The following ACTN3 variants were observed in gnomAD, a reference collection of about 807,000 sequenced individuals.
ACTN3 encodes alpha-actinin-3.
Under a neutral mutation model 119.6 loss-of-function variants are expected in ACTN3, and 91 were observed. The observed-to-expected ratio is 0.76, with a 90% confidence interval of 0.64 to 0.91. The LOEUF (loss-of-function observed/expected upper bound fraction) is 0.91. Among genes scored for constraint, ACTN3 ranks in the 40% least tolerant of loss-of-function variants. The pLI is 0.00. For missense variants in ACTN3, 1,221 were observed against 1,215.1 expected (o/e 1.00, Z -0.07); for synonymous variants, 456 against 478.8 (o/e 0.95, Z 0.62).
chr11:66,546,754 G>T, upstream of ACTN3: 1 of 1,535,214 alleles, frequency 6.5e-7, no homozygotes. Context: ...CCCGAGTCCC[G>T]CAGTTCCCGG....
At chr11:66,550,970 C>T in intron 1 of ACTN3, 1 of 595,582 alleles carries the variant, frequency 1.7e-6, no homozygotes, top group Non-Finnish European at 3.1e-6. Context: ...TTAAGACCCC[C>T]AAGGCTGGGG....
intron 19 of ACTN3, 169 bp downstream of exon 19, chr11:66,562,491 G>T (rs975294214): frequency 1.5e-5 from 5 of 333,580 alleles, no homozygotes; most frequent in African/African-American, 1.1e-4. Flanking sequence ...ACCCAGTTCT[G>T]TGTGGACCCA....
Position 66,563,056 on chromosome 11 carries a change from C to G in ACTN3, c.2569C>G (p.Leu857Val). 1.2e-6 allele frequency: 2 copies of G among 1,612,242 alleles called. No homozygotes were observed. The highest frequency in any genetic ancestry group is 1.1e-5 in the South Asian group (1 of 90,968). The change falls in exon 21 of 21, where the codon CTG (leucine) becomes GTG (valine). Residue 857 changes from leucine to valine, a missense_variant. Physicochemically the swap from Leu to Val is conservative, Grantham distance 32 (BLOSUM62 1). Around this residue, in one of 3 missense-constraint regions of ACTN3, gnomAD observed 934 missense variants for 899.9 expected, o/e 1.04. Transcript: ENST00000513398. ...CCAGAACTACATCACCCCCGAGGAGCTGCGGCGCGAGCTCCCTGCCAAGCA... is the reference window on the plus strand; with the variant it reads ...CCAGAACTACATCACCCCCGAGGAGGTGCGGCGCGAGCTCCCTGCCAAGCA... ...GDKNYITPEE[L>V]RRELPAKQAE...
Position 66,561,496 on chromosome 11 carries a change from G to A in ACTN3, c.2034G>A (p.Leu678=), listed in dbSNP as rs1256059931. Residue 678 remains leucine (L), a synonymous_variant, in exon 17 of 21, where the codon CTG becomes CTA. Transcript: ENST00000513398. The part of the protein sequence containing the change: ...GRLAAGLAGS[L]EEQMAGLRQQ... ...TGGCAGCAGGGCTAGCTGGCTCTCTGGAGGAGCAGATGGCTGGGCTACGGC... is the reference window on the plus strand; with the variant it reads ...TGGCAGCAGGGCTAGCTGGCTCTCTAGAGGAGCAGATGGCTGGGCTACGGC... The A allele has an allele frequency of 2.5e-6, 4 of 1,604,226 alleles. No individual in the cohort carries two copies. The Admixed American group carries it at 5.2e-5, about 21-fold the overall frequency.
intron 11 of ACTN3, among the ~76,000 whole-genome samples, chr11:66,558,569 T>G (rs2134934409): frequency 6.6e-6 from 1 of 152,250 alleles, no homozygotes; most frequent in East Asian, 1.9e-4. Context: ...GTTCTCACTT[T>G]GTTGCCCAGG....
chr11:66,560,111 A>AGGGGGGGGGGG, intron 13 of ACTN3, 35 bp downstream of exon 13: 1 of 694,084 alleles, frequency 1.4e-6, no homozygotes, highest in African/African-American at 2.8e-5. Context: ...GGGGGTGGGT[A>AGGGGGGGGGGG]GGTGGGTGAG....
chr11:66,561,669 G>A, intron 17 of ACTN3, 32 bp downstream of exon 17: 1 of 1,592,206 alleles, frequency 6.3e-7, no homozygotes, highest in Non-Finnish European at 8.6e-7. Context: ...AGAGTGGGGA[G>A]GCAGCACTGG....
chr11:66,557,359 TC>T, intron 9 of ACTN3, 134 bp downstream of exon 9: 1 of 811,676 alleles, frequency 1.2e-6, no homozygotes, highest in Non-Finnish European at 2.0e-6. Flanking sequence ...CCTCCTCCTG[TC>T]CATCCCCACC....
rs1857464836 is a variant in ACTN3 at position 66,551,316 on chromosome 11, T to C, written c.225T>C (p.Asn75=). ...QIENIEEDFR[N]GLKLMLLLEV... is the part of the protein sequence containing the mutation. Reference sequence around the variant, plus strand: ...AGAACATCGAGGAAGATTTCCGCAATGGCCTCAAACTCATGCTGCTCCTGG... The same window carrying C: ...AGAACATCGAGGAAGATTTCCGCAACGGCCTCAAACTCATGCTGCTCCTGG... Residue 75 remains asparagine (N), a synonymous_variant, in exon 2 of 21, where the codon AAT becomes AAC. Coordinates refer to ENST00000513398, the MANE Select transcript of ACTN3 (RefSeq NM_001104.4). 6.2e-7 allele frequency: 1 copy of C among 1,611,414 alleles called. No individual in the cohort carries two copies. The highest frequency in any genetic ancestry group is 8.5e-7 in the Non-Finnish European group (1 of 1,178,812).
At chr11:66,552,377 A>G (rs927540373) in intron 3 of ACTN3, among the ~76,000 whole-genome samples, 7 of 151,770 alleles carry the variant, frequency 4.6e-5, no homozygotes, top group African/African-American at 1.7e-4. Context: ...CTCAAAAAAA[A>G]AAAAGAAAGA....
In ACTN3 at chr11:66,561,467, C is replaced by T. The variant is rs1026499015; in HGVS notation, c.2005C>T (p.Arg669Trp). ...CTGGGAACCCCTGCAGGAAGTGGGG[C>T]GGCTGGCAGCAGGGCTAGCTGGCTC... ...WIQAKVEEVG[R>W]LAAGLAGSLE... is the part of the protein sequence containing the mutation. Residue 669 changes from arginine to tryptophan, a missense_variant, in exon 17 of 21, where the codon CGG becomes TGG. Arg to Trp is a moderately radical substitution (Grantham distance 101, BLOSUM62 -3). Around this residue, in one of 3 missense-constraint regions of ACTN3, gnomAD observed 934 missense variants for 899.9 expected, o/e 1.04. Coordinates refer to ENST00000513398, the MANE Select transcript of ACTN3 (RefSeq NM_001104.4). The T allele has an allele frequency of 3.1e-6, 5 of 1,599,282 alleles. No homozygotes were observed. The highest frequency in any genetic ancestry group is 1.1e-5 in the South Asian group (1 of 88,834).
intron 8 of ACTN3, 27 bp from the exon 9 acceptor site, chr11:66,557,105 GC>G: frequency 6.5e-7 from 1 of 1,533,194 alleles, no homozygotes; most frequent in Non-Finnish European, 8.8e-7. Flanking sequence ...TTGCTTTAAT[GC>G]CAGCCTTCTG....
chr11:66,562,870 C>G lies in ACTN3; in HGVS notation c.2463C>G (p.Phe821Leu), dbSNP rs371294094. The change falls in exon 20 of 21, where the codon TTC becomes TTG. Residue 821 changes from phenylalanine (F) to leucine (L), a missense_variant. Physicochemically the swap from Phe to Leu is conservative, Grantham distance 22. Around this residue, in one of 3 missense-constraint regions of ACTN3, gnomAD observed 934 missense variants for 899.9 expected, o/e 1.04. Transcript: ENST00000513398. ...NAAGVVTFQAFIDFMTRETAE... is the reference protein window; with the variant it reads ...NAAGVVTFQALIDFMTRETAE... ...CTGGGGTGGTGACCTTCCAGGCCTT[C>G]ATAGACTTCATGACCCGAGAGACAG... The G allele has an allele frequency of 1.2e-6, 2 of 1,613,752 alleles. No homozygotes were observed. The highest frequency in any genetic ancestry group is 1.7e-6 in the Non-Finnish European group (2 of 1,179,842).
intron 3 of ACTN3, among the ~76,000 whole-genome samples, chr11:66,553,273 G>C (rs1857515472): frequency 6.6e-6 from 1 of 151,814 alleles, no homozygotes; most frequent in African/African-American, 2.4e-5. Flanking sequence ...AATAGATGCA[G>C]CTGGGTGCAG....
rs761417250 is a variant in ACTN3, at chr11:66,555,128, A to G, written c.558-2A>G. 6 of 1,613,812 alleles carry G rather than the reference A, an allele frequency of 3.7e-6. No individual in the cohort carries two copies. The highest frequency in any genetic ancestry group is 5.1e-6 in the Non-Finnish European group (6 of 1,179,892). On this transcript the variant is annotated splice_acceptor_variant, in intron 5 of 20. Transcript: ENST00000513398. LOFTEE classifies it high-confidence loss of function. ...CCTGACCCCCCTCTTCTCTCTGTCC[A>G]GCTGGAAGGATGGCCTGGCCCTCTG...
rs77303460 is a variant in ACTN3, at chr11:66,562,365, C to T, written c.2388+43C>T. 4,788 of 1,597,766 alleles carry T rather than the reference C, an allele frequency of 3.0e-3. 139 individuals carry two copies. In the African/African-American group the frequency reaches 0.058, roughly 19 times the overall value. ...CCTTCCCAGGAGTCCCAAAGTACCCCCTCCTCTGTGCTGATCACCTACTGT... is the reference window on the plus strand; with the variant it reads ...CCTTCCCAGGAGTCCCAAAGTACCCTCTCCTCTGTGCTGATCACCTACTGT... On this transcript the variant is annotated intron_variant, in intron 19 of 20. Coordinates refer to ENST00000513398, the MANE Select transcript of ACTN3 (RefSeq NM_001104.4).
rs756839439 is a variant in ACTN3, at chr11:66,558,174, G to A, written c.1276G>A (p.Gly426Arg). The A allele has an allele frequency of 3.1e-6, 5 of 1,612,740 alleles. No homozygotes were observed. Among genetic ancestry groups the A allele is most frequent in the Non-Finnish European group, 8.5e-7 (1 of 1,179,876 alleles). The stretch of plus-strand genomic sequence containing the variant: ...CTCCCTGCACGAAGCCTGGACCCGG[G>A]GTAGGTAGACCTACCTCATGGGGCT... Reference protein sequence around the residue: ...KASLHEAWTRGKEEMLSQRDY... With the variant: ...KASLHEAWTRRKEEMLSQRDY... Residue 426 changes from glycine (G) to arginine (R), a missense_variant and splice_region_variant, in exon 11 of 21, where the codon GGA (glycine) becomes AGA (arginine). By Grantham distance (125) the Gly-to-Arg change is moderately radical (BLOSUM62 -2). This residue lies in a region of ACTN3 where 934 missense variants were observed against 899.9 expected (regional missense o/e 1.04). Transcript: ENST00000513398.
chr11:66,550,603 C>A (rs947099146), intron 1 of ACTN3, among the ~76,000 whole-genome samples: 8 of 152,208 alleles, frequency 5.3e-5, no homozygotes, highest in African/African-American at 1.9e-4. Context: ...ATCACTTGAG[C>A]CCAGGAGCTT....
At chr11:66,559,478 C>A in intron 12 of ACTN3, 92 bp downstream of exon 12, 2 of 1,270,194 alleles carry the variant, frequency 1.6e-6, no homozygotes, top group South Asian at 1.7e-5. Context: ...CTTCTCAAGA[C>A]ACTAGGCTCT....
Sources: allele counts gnomAD v4.1 joint callset (sites outside exome capture counted in the v4.1 genomes callset), GRCh38; gene constraint gnomAD v4.1.1; regional missense constraint gnomAD v4.1.1; transcripts MANE v1.5; gene names NCBI Gene and HGNC (gene_info 2026-07-23, HGNC 2026-07-21).